Variants in IFT122 observed in about 807,000 individuals in gnomAD.
IFT122 encodes intraflagellar transport protein 122 homolog.
A neutral mutation model predicts 161.6 loss-of-function variants in IFT122; 118 were observed. The ratio of observed to expected loss-of-function variants is 0.73; its 90% confidence interval spans 0.63 to 0.85. The LOEUF (loss-of-function observed/expected upper bound fraction) is 0.85. Among genes scored for constraint, IFT122 ranks in the 40% least tolerant of loss-of-function variants. The pLI is 0.00. For missense variants in IFT122, 1,381 were observed against 1,579.6 expected, an observed-to-expected ratio of 0.87 and a Z score of 2.13; for synonymous variants, 550 against 602.4, an observed-to-expected ratio of 0.91 and a Z score of 1.27.
chr3:129,449,812 C>A, intron 1 of IFT122, 59 bp from the exon 2 acceptor site: 1 of 1,133,440 alleles, frequency 8.8e-7, no homozygotes, highest in Non-Finnish European at 1.3e-6. Context: ...CTTTCCTGGC[C>A]ATTAGCAGAC....
At chr3:129,451,652 C>A (rs1468375850) in intron 2 of IFT122, among the ~76,000 whole-genome samples, 1 of 152,132 alleles carries the variant, frequency 6.6e-6, no homozygotes, top group African/African-American at 2.4e-5. Flanking sequence ...AAAGAATTTC[C>A]ATGGAGTGAG....
In IFT122 at chr3:129,514,372, A is replaced by T. The variant is rs377078200; in HGVS notation, c.2988-17A>T. On this transcript the variant is annotated splice_polypyrimidine_tract_variant and intron_variant, in intron 24 of 29. Transcript: ENST00000348417. Reference sequence around the variant, plus strand: ...GCCTGGTGTTGCCCCTGCTGTCCTTAACCCTGTTCACGGCAGGAAAATACT... The same window carrying T: ...GCCTGGTGTTGCCCCTGCTGTCCTTTACCCTGTTCACGGCAGGAAAATACT... 6.2e-7 allele frequency: 1 copy of T among 1,613,696 alleles called. No individual in the cohort carries two copies. Among genetic ancestry groups the T allele is most frequent in the African/African-American group, 1.3e-5 (1 of 74,848 alleles).
chr3:129,504,481 C>A, intron 21 of IFT122, 60 bp downstream of exon 21: 1 of 1,372,288 alleles, frequency 7.3e-7, no homozygotes, highest in Non-Finnish European at 1.0e-6. Flanking sequence ...CCAAGACATA[C>A]ATTTCAGGAA....
intron 4 of IFT122, 152 bp from the exon 5 acceptor site, chr3:129,461,076 G>A: frequency 1.1e-6 from 1 of 937,662 alleles, no homozygotes; most frequent in Non-Finnish European, 1.7e-6. Flanking sequence ...TTAGGAGTAG[G>A]AGAATTAATT....
chr3:129,480,575 C>G (rs1366257130), intron 13 of IFT122, among the ~76,000 whole-genome samples: 1 of 152,186 alleles, frequency 6.6e-6, no homozygotes, highest in Non-Finnish European at 1.5e-5. Flanking sequence ...CTTGTCAGGT[C>G]TTTGCTGGGG....
At chr3:129,509,320 A>G (rs753297718) in intron 23 of IFT122, among the ~76,000 whole-genome samples, 4 of 150,130 alleles carry the variant, frequency 2.7e-5, no homozygotes, top group Non-Finnish European at 4.5e-5. Context: ...TTCTTCGGCA[A>G]CTTCTCCTGT....
intron 19 of IFT122, 114 bp downstream of exon 19, chr3:129,500,182 G>T (rs1369407125): frequency 4.2e-5 from 53 of 1,260,696 alleles, no homozygotes; most frequent in Non-Finnish European, 6.0e-5. Flanking sequence ...TAATGTGATA[G>T]TGGCTAGGTT....
chr3:129,517,172 GCACA>G lies in IFT122; in HGVS notation c.3266-290_3266-287del, dbSNP rs914035645. Among the ~76,000 whole-genome samples the G allele has an allele frequency of 6.2e-5, 7 of 113,444 alleles. No homozygotes were observed. In the Admixed American group the frequency reaches 6.8e-4, roughly 11 times the overall value. The allele number at this position is 113,444 out of a possible 152,430, so 74.4% of individuals were successfully genotyped here. On this transcript the variant is annotated intron_variant, in intron 26 of 29. Transcript: ENST00000348417. The stretch of plus-strand genomic sequence containing the variant: ...CTGCACACACACGGAGACTGCCTCT[GCACA>G]CACACAGAGACTGCCCCTACACACA...
At chr3:129,479,281 TATTTA>T (rs1408747262) in intron 12 of IFT122, among the ~76,000 whole-genome samples, 3 of 145,172 alleles carry the variant, frequency 2.1e-5, no homozygotes, top group Non-Finnish European at 4.5e-5. Flanking sequence ...AAAAAAAAAT[TATTTA>T]ATTAGCTGGG....
At chr3:129,481,823 C>A in intron 14 of IFT122, 129 bp downstream of exon 14, 1 of 960,956 alleles carries the variant, frequency 1.0e-6, no homozygotes, top group Non-Finnish European at 1.6e-6. Context: ...GGGCCAAGCA[C>A]ATGCACAGAG....
intron 2 of IFT122, among the ~76,000 whole-genome samples, chr3:129,450,714 T>TG (rs1559840288): frequency 5.8e-5 from 6 of 103,228 alleles, no homozygotes; most frequent in African/African-American, 1.5e-4. Flanking sequence ...TGTGTGTGTG[T>TG]TTTTTTTTTT....
chr3:129,502,818 A>T lies in IFT122; in HGVS notation c.2483A>T (p.Tyr828Phe). The change falls in exon 20 of 30, where the codon TAC (tyrosine) becomes TTC (phenylalanine). Residue 828 changes from tyrosine to phenylalanine, a missense_variant. Transcript: ENST00000348417. Reference protein sequence around the residue: ...LDSPGYAAETYLKMGDLKSLV... With the variant: ...LDSPGYAAETFLKMGDLKSLV... Reference sequence around the variant, plus strand: ...AGCCCTGGCTATGCTGCTGAGACCTACCTGAAGATGGGTGACCTCAAGTCC... The same window carrying T: ...AGCCCTGGCTATGCTGCTGAGACCTTCCTGAAGATGGGTGACCTCAAGTCC... The T allele has an allele frequency of 6.2e-7, 1 of 1,613,200 alleles. No homozygotes were observed. The highest frequency in any genetic ancestry group is 8.5e-7 in the Non-Finnish European group (1 of 1,180,018).
chr3:129,519,652 T>A lies in IFT122; in HGVS notation c.3556T>A (p.Trp1186Arg). Residue 1186 changes from tryptophan (W) to arginine (R), a missense_variant, in exon 29 of 30, where the codon TGG becomes AGG. This residue lies in a region of IFT122 where 177 missense variants were observed against 199.2 expected (regional missense o/e 0.89). Transcript: ENST00000348417. ...CCGCCGGGATGTCCTCATCAAGCGATGGCCCCCACCCCTGAGGTGGCAATA... is the reference window on the plus strand; with the variant it reads ...CCGCCGGGATGTCCTCATCAAGCGAAGGCCCCCACCCCTGAGGTGGCAATA... ...MSRRDVLIKR[W>R]PPPLRWQYFR... The A allele has an allele frequency of 6.2e-7, 1 of 1,613,770 alleles. No homozygotes were observed. The highest frequency in any genetic ancestry group is 1.1e-5 in the South Asian group (1 of 91,082).
chr3:129,483,440 G>A (rs1239651323), intron 14 of IFT122, 45 bp from the exon 15 acceptor site: 4 of 1,563,902 alleles, frequency 2.6e-6, no homozygotes, highest in African/African-American at 1.4e-5. Context: ...CGCTGACCAA[G>A]CCCAGGGTGG....
chr3:129,503,972 C>T (rs935798956), intron 20 of IFT122: 1 of 356,950 alleles, frequency 2.8e-6, no homozygotes, highest in Admixed American at 4.0e-5. Context: ...AATTCTGTTT[C>T]CTTAGGTGTC....
At chr3:129,488,933 G>A (rs1394715880) in intron 16 of IFT122, among the ~76,000 whole-genome samples, 4 of 152,054 alleles carry the variant, frequency 2.6e-5, no homozygotes, top group Non-Finnish European at 4.4e-5. Context: ...GACTTGATTC[G>A]TTGTGTCCTT....
intron 19 of IFT122, among the ~76,000 whole-genome samples, chr3:129,501,678 G>A (rs2081568762): frequency 6.6e-6 from 1 of 152,230 alleles, no homozygotes; most frequent in East Asian, 1.9e-4. Context: ...AACACATTAA[G>A]CATGTTCTGC....
chr3:129,451,783 C>G (rs1445264873), intron 2 of IFT122, 131 bp from the exon 3 acceptor site: 1 of 790,316 alleles, frequency 1.3e-6, no homozygotes, highest in Non-Finnish European at 2.2e-6. Flanking sequence ...TTTTGCAGTG[C>G]AGTTTTTATT....
rs529641334 is a variant in IFT122 at position 129,487,810 on chromosome 3, C to T, written c.1852-447C>T. The T allele has an allele frequency of 3.4e-5, 10 of 292,636 alleles. 1 individual carries two copies. Among genetic ancestry groups the T allele is most frequent in the South Asian group, 1.3e-4 (4 of 30,168 alleles). 18.1% of individuals were successfully genotyped at this position (292,636 alleles called of 1,614,324 possible). A position where few individuals can be genotyped will look rare whatever the true frequency, so the allele number is the denominator to read the frequency against. On this transcript the variant is annotated intron_variant, in intron 15 of 29. Transcript: ENST00000348417. ...AGGCCTGTAACTGCGGCACAACCTGCGATCTGGACAAAGGGCAGAGGAAGC... is the reference window on the plus strand; with the variant it reads ...AGGCCTGTAACTGCGGCACAACCTGTGATCTGGACAAAGGGCAGAGGAAGC...
Sources: allele counts gnomAD v4.1 joint callset (sites outside exome capture counted in the v4.1 genomes callset), GRCh38; gene constraint gnomAD v4.1.1; regional missense constraint gnomAD v4.1.1; transcripts MANE v1.5; gene names NCBI Gene and HGNC (gene_info 2026-07-23, HGNC 2026-07-21).